MTMR4: variants seen among roughly 807,000 people sequenced by gnomAD.
The protein encoded by MTMR4 is myotubularin related protein 4, also known as phosphatidylinositol-3,5-bisphosphate 3-phosphatase MTMR4.
A neutral mutation model predicts 125.5 loss-of-function variants in MTMR4; 30 were observed. The ratio of observed to expected loss-of-function variants is 0.24; its 90% CI spans 0.18 to 0.32. MTMR4 has a LOEUF of 0.32. MTMR4 is among the 10% of genes least tolerant of loss of function. MTMR4 has a pLI of 1.00. For synonymous variants in MTMR4, 498 were observed against 564.5 expected (o/e 0.88, Z 1.67); for missense variants, 1,039 against 1,511.5 (o/e 0.69, Z 5.18).
At chr17:58,507,982 C>T in intron 7 of MTMR4, 179 bp downstream of exon 7, 1 of 551,414 alleles carries the variant, frequency 1.8e-6, no homozygotes. Flanking sequence ...AATGAATAAA[C>T]TCCCTAATAG....
chr17:58,505,862 G>A (rs1002156471), intron 9 of MTMR4, among the ~76,000 whole-genome samples: 1 of 152,124 alleles, frequency 6.6e-6, no homozygotes, highest in African/African-American at 2.4e-5. Flanking sequence ...GAGCTGAGAT[G>A]GCACATTGCA....
rs527839252 is a variant in MTMR4 at position 58,504,185 on chromosome 17, G to A, written c.1563C>T (p.Tyr521=). The change falls in exon 13 of 18, where the codon TAC becomes TAT. Residue 521 remains tyrosine, a synonymous_variant. Coordinates refer to ENST00000682306, the MANE Select transcript of MTMR4 (RefSeq NM_001378067.1). This position sits in a 1 kb window ranked among gnomAD's most constrained non-coding sequence, Gnocchi z 7.1. ...KLVQHTYSCL[Y]GTFLANNPCE... ...AGGGGTTGTTGGCCAGGAAGGTGCCGTAGAGGCAGGAGTATGTGTGTTGCA... is the reference window on the plus strand; with the variant it reads ...AGGGGTTGTTGGCCAGGAAGGTGCCATAGAGGCAGGAGTATGTGTGTTGCA... The A allele has an allele frequency of 8.4e-5, 136 of 1,610,576 alleles. No homozygotes were observed. Among genetic ancestry groups the A allele is most frequent in the Non-Finnish European group, 1.1e-4 (124 of 1,178,546 alleles).
chr17:58,508,147 C>A lies in MTMR4; in HGVS notation c.707+14G>T. 2 of 1,602,782 alleles carry A rather than the reference C, an allele frequency of 1.2e-6. No homozygotes were observed. Among genetic ancestry groups the A allele is most frequent in the Non-Finnish European group, 1.7e-6 (2 of 1,170,672 alleles). ...AAGAAATGGCCTCCCTACTTCCCAG[C>A]CCCACTGCCTCACCTATACACAACC... On this transcript the variant is annotated intron_variant, in intron 7 of 17. Coordinates refer to ENST00000682306, the MANE Select transcript of MTMR4 (RefSeq NM_001378067.1). This position sits in a 1 kb window ranked among gnomAD's most constrained non-coding sequence, Gnocchi z 4.8.
chr17:58,502,560 A>G (rs1171986355), intron 14 of MTMR4, among the ~76,000 whole-genome samples: 2 of 151,946 alleles, frequency 1.3e-5, no homozygotes, highest in Non-Finnish European at 2.9e-5. Context: ...GATGAGTAGG[A>G]ATCTGGTTAT....
intron 9 of MTMR4, among the ~76,000 whole-genome samples, chr17:58,506,455 C>T (rs1261457330): frequency 6.6e-6 from 1 of 152,212 alleles, no homozygotes; most frequent in Non-Finnish European, 1.5e-5. Flanking sequence ...TCCCAAAGTA[C>T]TGGGATTACA....
chr17:58,512,956 C>T lies in MTMR4; in HGVS notation c.46-15G>A, dbSNP rs1429738837. On this transcript the variant is annotated splice_polypyrimidine_tract_variant and intron_variant, in intron 1 of 17. Coordinates refer to ENST00000682306, the MANE Select transcript of MTMR4 (RefSeq NM_001378067.1). This position sits in a 1 kb window ranked among gnomAD's most constrained non-coding sequence, Gnocchi z 4.1. ...CCCTCCTCACCCTGTAGGAAGGCCACAGTCCTAAGTCACCAAGCTCCACTT... is the reference window on the plus strand; with the variant it reads ...CCCTCCTCACCCTGTAGGAAGGCCATAGTCCTAAGTCACCAAGCTCCACTT... 9.4e-6 allele frequency: 15 copies of T among 1,598,654 alleles called. No homozygotes were observed. The highest frequency in any genetic ancestry group is 1.7e-5 in the Admixed American group (1 of 59,118).
chr17:58,506,540 C>T (rs1028236234), intron 9 of MTMR4, among the ~76,000 whole-genome samples: 2 of 152,204 alleles, frequency 1.3e-5, no homozygotes, highest in Non-Finnish European at 2.9e-5. Flanking sequence ...GTGTAACATC[C>T]CCTTCTTATA....
At chr17:58,517,854 T>G (rs2042040644), upstream of MTMR4, 1 of 154,274 alleles carries the variant, frequency 6.5e-6, no homozygotes, top group Non-Finnish European at 1.4e-5. Context: ...GGCCGCGCTC[T>G]TGCCACTTCC....
intron 14 of MTMR4, among the ~76,000 whole-genome samples, chr17:58,499,823 G>A (rs578203693): frequency 3.1e-4 from 46 of 150,658 alleles, no homozygotes; most frequent in Middle Eastern, 3.4e-3. Context: ...GTAGAGACGG[G>A]GTTTCACCGT....
intron 15 of MTMR4, 54 bp downstream of exon 15, chr17:58,494,878 A>G: frequency 6.6e-7 from 1 of 1,521,794 alleles, no homozygotes; most frequent in Non-Finnish European, 9.0e-7. Flanking sequence ...GAATGGAGGG[A>G]AGGCTGGATG....
chr17:58,511,286 C>T (rs987425571), intron 4 of MTMR4, 143 bp downstream of exon 4: 4 of 777,136 alleles, frequency 5.1e-6, no homozygotes, highest in Non-Finnish European at 6.1e-6. Context: ...GACCTCCCAA[C>T]CCAGAACATG....
chr17:58,512,295 TTTAATGACA>T lies in MTMR4; in HGVS notation c.252+86_252+94del. On this transcript the variant is annotated intron_variant, in intron 3 of 17. Transcript: ENST00000682306. This position sits in a 1 kb window ranked among gnomAD's most constrained non-coding sequence, Gnocchi z 4.1. ...GCCACTGCGCCCGGCCTCCAACTTT[TTTAATGACA>T]TGATCAAGGACAGCCTTGGAACAAT... The T allele has an allele frequency of 8.5e-6, 10 of 1,174,288 alleles. No homozygotes were observed. Among genetic ancestry groups the T allele is most frequent in the Non-Finnish European group, 1.1e-5 (9 of 791,676 alleles). 72.7% of individuals were successfully genotyped at this position (1,174,288 alleles called of 1,614,324 possible). A position where few individuals can be genotyped will look rare whatever the true frequency, so the allele number is the denominator to read the frequency against.
Position 58,512,930 on chromosome 17 carries a change from C to A in MTMR4, c.57G>T (p.Gly19=). ...CTTGGATGTACTCCAGGCTGGGGGG[C>A]CCCTCCTCACCCTGTAGGAAGGCCA... is the stretch of plus-strand genomic sequence containing the variant. ...CSMLSCFGEE[G]PPSLEYIQAK... The change falls in exon 2 of 18, where the codon GGG becomes GGT. Residue 19 remains glycine (G), a synonymous_variant. Transcript: ENST00000682306. The surrounding 1 kb of genome is among the most constrained non-coding windows in gnomAD (Gnocchi z 4.1). The A allele has an allele frequency of 5.6e-6, 9 of 1,610,652 alleles. No homozygotes were observed. Among genetic ancestry groups the A allele is most frequent in the Non-Finnish European group, 7.6e-6 (9 of 1,178,688 alleles).
At position 58,503,318 on chromosome 17, in the gene MTMR4, T is replaced by A. The variant is rs370097536; in HGVS notation, c.1853+426A>T. On this transcript the variant is annotated intron_variant, in intron 14 of 17. Coordinates refer to ENST00000682306, the MANE Select transcript of MTMR4 (RefSeq NM_001378067.1). Reference sequence around the variant, plus strand: ...GGCTAGCTACAAGTCTTGGCCAAGTTTTTCCTGCAAATGACTCAAGAAGTT... The same window carrying A: ...GGCTAGCTACAAGTCTTGGCCAAGTATTTCCTGCAAATGACTCAAGAAGTT... Among the ~76,000 whole-genome samples the A allele has an allele frequency of 3.3e-5, 5 of 152,162 alleles. No individual in the cohort carries two copies. The South Asian group carries it at 1.0e-3, about 32-fold the overall frequency.
chr17:58,506,157 G>T (rs983020995), intron 9 of MTMR4, among the ~76,000 whole-genome samples: 10 of 152,180 alleles, frequency 6.6e-5, no homozygotes, highest in Non-Finnish European at 1.2e-4. Context: ...AATAGTAGCT[G>T]CTCTGTGGCA....
At chr17:58,511,651 T>G in intron 3 of MTMR4, 140 bp from the exon 4 acceptor site, 1 of 636,654 alleles carries the variant, frequency 1.6e-6, no homozygotes, top group Non-Finnish European at 2.7e-6. Flanking sequence ...CTGGTAACTG[T>G]ACGGAGTCCT....
Position 58,504,576 on chromosome 17 carries a change from G to A in MTMR4, c.1342-88C>T. 3 of 1,476,398 alleles carry A rather than the reference G, an allele frequency of 2.0e-6. No homozygotes were observed. The highest frequency in any genetic ancestry group is 2.7e-6 in the Non-Finnish European group (3 of 1,097,422). 91.5% of individuals were successfully genotyped at this position (1,476,398 alleles called of 1,614,324 possible). ...TGGGAACTGCCCAAAGCAGGAAGCT[G>A]GCAGCTTCAAAGAAAAATAGGACTG... On this transcript the variant is annotated intron_variant, in intron 11 of 17. Coordinates refer to ENST00000682306, the MANE Select transcript of MTMR4 (RefSeq NM_001378067.1). The surrounding 1 kb of genome is among the most constrained non-coding windows in gnomAD (Gnocchi z 7.1).
chr17:58,496,256 C>G lies in MTMR4; in HGVS notation c.1928G>C (p.Ser643Thr), dbSNP rs1218289243. 1.2e-6 allele frequency: 2 copies of G among 1,614,106 alleles called. No individual in the cohort carries two copies. The highest frequency in any genetic ancestry group is 1.7e-6 in the Non-Finnish European group (2 of 1,180,016). ...DTSSPLTRTS[S>T]DPNLNNHCQE... ...ACAGTGGTTATTCAGGTTAGGGTCA[C>G]TGGATGTACGAGTCAGGGGGCTGCT... is the stretch of plus-strand genomic sequence containing the variant. The change falls in exon 15 of 18, where the codon AGT becomes ACT. Residue 643 changes from serine to threonine, a missense_variant. Ser to Thr is a moderately conservative substitution (Grantham distance 58). Around this residue, in one of 6 missense-constraint regions of MTMR4, gnomAD observed 619 missense variants for 714.5 expected, o/e 0.87. Coordinates refer to ENST00000682306, the MANE Select transcript of MTMR4 (RefSeq NM_001378067.1).
intron 14 of MTMR4, among the ~76,000 whole-genome samples, chr17:58,498,881 T>G (rs1975544285): frequency 1.3e-5 from 2 of 152,152 alleles, no homozygotes; most frequent in African/African-American, 4.8e-5. Flanking sequence ...AAAGTACTTT[T>G]CACTTCTACT....
Sources: gnomAD v4.1 joint callset for allele counts (sites outside exome capture counted in the v4.1 genomes callset) on GRCh38, gnomAD v4.1.1 for gene constraint, gnomAD v4.1.1 regional missense constraint, Gnocchi (gnomAD v3.1) non-coding constraint, MANE v1.5 for transcripts, NCBI Gene and HGNC (gene_info 2026-07-23, HGNC 2026-07-21) for gene names.